Variants in SLC25A25 observed in about 807,000 individuals in gnomAD.
The protein encoded by SLC25A25 is mitochondrial adenyl nucleotide antiporter SLC25A25.
SLC25A25 carries 32 observed loss-of-function variants against 57.7 expected under a neutral mutation model. The observed-to-expected ratio is 0.55, with a 90% confidence interval of 0.42 to 0.74. The LOEUF is 0.74. Ranked by LOEUF, SLC25A25 falls within the 30% of genes least tolerant of loss-of-function variation. The pLI is 0.00. For synonymous variants in SLC25A25, 306 were observed against 291.2 expected, an observed-to-expected ratio of 1.05 and a Z score of -0.52; for missense variants, 556 against 701.3, an observed-to-expected ratio of 0.79 and a Z score of 2.34.
At chr9:128,085,169 A>G (rs1208067890) in intron 1 of SLC25A25, among the ~76,000 whole-genome samples, 1 of 152,066 alleles carries the variant, frequency 6.6e-6, no homozygotes, top group African/African-American at 2.4e-5. Context: ...CGTCTCTACT[A>G]AAAATATAAA....
intron 1 of SLC25A25, among the ~76,000 whole-genome samples, chr9:128,084,214 C>T (rs1024816542): frequency 1.3e-5 from 2 of 151,914 alleles, no homozygotes; most frequent in Non-Finnish European, 2.9e-5. Context: ...TTATACCCTC[C>T]TCTCTGCAAT....
chr9:128,096,648 G>C (rs1833566732), intron 1 of SLC25A25, among the ~76,000 whole-genome samples: 1 of 152,214 alleles, frequency 6.6e-6, no homozygotes, highest in Non-Finnish European at 1.5e-5. Flanking sequence ...AGAGCCCCCT[G>C]AGCTAATTCA....
rs567835255 is a variant in SLC25A25, at chr9:128,107,853, GCTGC to G, written c.*417_*420del. Reference sequence around the variant, plus strand: ...GCCGTGCATCTCCCTGTGCCCTCTTGCTGCCTGCCTGTCTGCTGAGGTAAGGTGG... The same window carrying G: ...GCCGTGCATCTCCCTGTGCCCTCTTGCTGCCTGTCTGCTGAGGTAAGGTGG... On this transcript the variant is annotated 3_prime_UTR_variant, in exon 11 of 11. Coordinates refer to ENST00000373069, the MANE Select transcript of SLC25A25 (RefSeq NM_001330988.2). 491 of 401,488 alleles carry G rather than the reference GCTGC, an allele frequency of 1.2e-3. 2 individuals are homozygous for G. The highest frequency in any genetic ancestry group is 9.2e-3 in the African/African-American group (449 of 48,780). The allele number at this position is 401,488 out of a possible 1,614,324, so 24.9% of individuals were successfully genotyped here. A position where few individuals can be genotyped will look rare whatever the true frequency, so the allele number is the denominator to read the frequency against.
At chr9:128,079,730 C>T (rs1253027983) in intron 1 of SLC25A25, among the ~76,000 whole-genome samples, 13 of 147,224 alleles carry the variant, frequency 8.8e-5, no homozygotes, top group South Asian at 4.4e-4. Flanking sequence ...CGGTGGCTCA[C>T]GCCTGTAATC....
intron 1 of SLC25A25, among the ~76,000 whole-genome samples, chr9:128,079,430 AAG>A (rs145325547): frequency 0.016 from 2,168 of 133,124 alleles, 47 homozygotes; most frequent in African/African-American, 0.073. Flanking sequence ...AAAAAAAAAA[AAG>A]GGTGGAGAGA....
chr9:128,068,633 G>T, intron 1 of SLC25A25, 53 bp downstream of exon 1: 2 of 1,388,724 alleles, frequency 1.4e-6, no homozygotes, highest in South Asian at 1.7e-5. Context: ...TCGAGGGCCG[G>T]GTGACAGGTC....
chr9:128,101,527 T>A lies in SLC25A25; in HGVS notation c.476+131T>A. The A allele has an allele frequency of 2.0e-6, 2 of 994,858 alleles. No homozygotes were observed. The highest frequency in any genetic ancestry group is 3.0e-6 in the Non-Finnish European group (2 of 672,860). The allele number at this position is 994,858 out of a possible 1,614,324, so 61.6% of individuals were successfully genotyped here. A position where few individuals can be genotyped will look rare whatever the true frequency, so the allele number is the denominator to read the frequency against. ...CTCGTGGTTTGAAAGGATGAATAAG[T>A]AACCCCTGTGGGAGGCCAGCCCCTC... On this transcript the variant is annotated intron_variant, in intron 3 of 10. Transcript: ENST00000373069. This position sits in a 1 kb window ranked among gnomAD's most constrained non-coding sequence, Gnocchi z 4.9.
chr9:128,097,474 G>A (rs1291682711), intron 1 of SLC25A25, among the ~76,000 whole-genome samples: 1 of 152,192 alleles, frequency 6.6e-6, no homozygotes, highest in African/African-American at 2.4e-5. Flanking sequence ...TGTCACACAG[G>A]CTGGAGTGCA....
rs748019680 is a variant in SLC25A25 at position 128,068,287 on chromosome 9, C to T, written c.-33C>T. 7.2e-6 allele frequency: 9 copies of T among 1,256,734 alleles called. No individual in the cohort carries two copies. In the South Asian group the frequency reaches 2.3e-4, roughly 32 times the overall value. The allele number at this position is 1,256,734 out of a possible 1,614,324, so 77.8% of individuals were successfully genotyped here. A position where few individuals can be genotyped will look rare whatever the true frequency, so the allele number is the denominator to read the frequency against. On this transcript the variant is annotated 5_prime_UTR_variant, in exon 1 of 11. Coordinates refer to ENST00000373069, the MANE Select transcript of SLC25A25 (RefSeq NM_001330988.2). ...CACCGCCGGCCCGCCGCCCCCGCTCCCGCCCGCGCCCGGAGCCCCTGCCTC... is the reference window on the plus strand; with the variant it reads ...CACCGCCGGCCCGCCGCCCCCGCTCTCGCCCGCGCCCGGAGCCCCTGCCTC...
At chr9:128,079,744 G>C (rs979249929) in intron 1 of SLC25A25, among the ~76,000 whole-genome samples, 5 of 150,996 alleles carry the variant, frequency 3.3e-5, no homozygotes, top group Admixed American at 2.6e-4. Flanking sequence ...TGTAATCCCA[G>C]CACTTTGGGA....
At chr9:128,070,611 G>A (rs889018393) in intron 1 of SLC25A25, among the ~76,000 whole-genome samples, 3 of 151,920 alleles carry the variant, frequency 2.0e-5, no homozygotes, top group Non-Finnish European at 4.4e-5. Flanking sequence ...ATAGTGTTGT[G>A]AACTGGAGAT....
intron 1 of SLC25A25, chr9:128,091,854 G>T (rs151207021): frequency 1.2e-6 from 2 of 1,601,062 alleles, no homozygotes; most frequent in South Asian, 2.2e-5. Context: ...CATCAGAGGC[G>T]TTTGGAGGAG....
intron 1 of SLC25A25, among the ~76,000 whole-genome samples, chr9:128,088,826 AT>A (rs1360892325): frequency 1.3e-5 from 2 of 152,054 alleles, no homozygotes; most frequent in Non-Finnish European, 2.9e-5. Context: ...TAAATAAGGG[AT>A]TTCTCTTATG....
At chr9:128,068,861 G>A (rs1168190666) in intron 1 of SLC25A25, among the ~76,000 whole-genome samples, 2 of 152,220 alleles carry the variant, frequency 1.3e-5, no homozygotes, top group Non-Finnish European at 2.9e-5. Flanking sequence ...AGAAGGCCAG[G>A]TCTCAGGAGT....
At position 128,105,768 on chromosome 9, in the gene SLC25A25, G is replaced by A; in HGVS notation, c.823G>A (p.Gly275Ser). Residue 275 changes from glycine to serine, a missense_variant, in exon 7 of 11, where the codon GGC becomes AGC. This residue lies in a region of SLC25A25 where 294 missense variants were observed against 389.6 expected (regional missense o/e 0.75). Transcript: ENST00000373069. Reference protein sequence around the residue: ...SRSNNMGIVGGFTQMIREGGA... With the variant: ...SRSNNMGIVGSFTQMIREGGA... ...CAGCAACAACATGGGCATCGTTGGT[G>A]GCTTCACTCAGATGATTCGAGAAGG... is the stretch of plus-strand genomic sequence containing the variant. 6.2e-7 allele frequency: 1 copy of A among 1,613,986 alleles called. No individual in the cohort carries two copies. Among genetic ancestry groups the A allele is most frequent in the Non-Finnish European group, 8.5e-7 (1 of 1,180,042 alleles).
intron 1 of SLC25A25, among the ~76,000 whole-genome samples, chr9:128,086,385 G>T (rs1371103026): frequency 6.8e-6 from 1 of 146,662 alleles, no homozygotes; most frequent in Non-Finnish European, 1.5e-5. Flanking sequence ...CCAGGCTGGA[G>T]TGCAATGGCG....
intron 1 of SLC25A25, among the ~76,000 whole-genome samples, chr9:128,071,153 A>G (rs1372032712): frequency 1.3e-5 from 2 of 152,160 alleles, no homozygotes; most frequent in Non-Finnish European, 2.9e-5. Flanking sequence ...TCGAGATTCA[A>G]GGCACATCTG....
intron 1 of SLC25A25, among the ~76,000 whole-genome samples, chr9:128,077,062 A>T (rs1265282480): frequency 6.6e-6 from 1 of 152,122 alleles, no homozygotes; most frequent in Admixed American, 6.6e-5. Flanking sequence ...AGGGCCCTTT[A>T]TCTGAAATCT....
rs748957641 is a variant in SLC25A25, at chr9:128,102,493, G to A, written c.624+12G>A. 1.6e-5 allele frequency: 25 copies of A among 1,606,214 alleles called. No individual in the cohort carries two copies. Among genetic ancestry groups the A allele is most frequent in the Middle Eastern group, 1.6e-4 (1 of 6,074 alleles). On this transcript the variant is annotated intron_variant, in intron 5 of 10. Transcript: ENST00000373069. The surrounding 1 kb of genome is among the most constrained non-coding windows in gnomAD (Gnocchi z 4.1). ...GGAAGCATTCCACGGTGAGCCCCAC[G>A]TGCCCAGGGCCCTCATCTGCTCCCA...
Sources: allele counts gnomAD v4.1 joint callset (sites outside exome capture counted in the v4.1 genomes callset), GRCh38; gene constraint gnomAD v4.1.1; regional missense constraint gnomAD v4.1.1; non-coding constraint Gnocchi (gnomAD v3.1); transcripts MANE v1.5; gene names NCBI Gene and HGNC (gene_info 2026-07-23, HGNC 2026-07-21).